Variants in PLBD1 observed in about 807,000 individuals in gnomAD.
PLBD1 encodes lysosomal leucine aminopeptidase.
PLBD1 carries 60 observed loss-of-function variants against 63.0 expected under a neutral mutation model. The observed-to-expected ratio is 0.95, with a 90% CI of 0.77 to 1.18. The LOEUF (loss-of-function observed/expected upper bound fraction) is 1.18. PLBD1 is among the 50% of genes most tolerant of loss of function. PLBD1 has a pLI of 0.00. For missense variants in PLBD1, 598 were observed against 677.9 expected (o/e 0.88, Z 1.31); for synonymous variants, 262 against 248.0 (o/e 1.06, Z -0.53).
chr12:14,527,749 T>A (rs1945427231), intron 6 of PLBD1, among the ~76,000 whole-genome samples: 1 of 151,842 alleles, frequency 6.6e-6, no homozygotes, highest in Admixed American at 6.6e-5. Context: ...GTAGAGATGA[T>A]CTCTGACATT....
intron 2 of PLBD1, among the ~76,000 whole-genome samples, chr12:14,550,636 T>C (rs1408843649): frequency 2.0e-5 from 3 of 152,062 alleles, no homozygotes; most frequent in Non-Finnish European, 4.4e-5. Context: ...CCCCAGCACT[T>C]GGGAGGCCAA....
intron 6 of PLBD1, among the ~76,000 whole-genome samples, chr12:14,531,911 T>C (rs1203113533): frequency 6.6e-6 from 1 of 152,228 alleles, no homozygotes; most frequent in Non-Finnish European, 1.5e-5. Context: ...ATTACAGGCA[T>C]GAGCCTGCTT....
intron 6 of PLBD1, among the ~76,000 whole-genome samples, chr12:14,511,973 T>G (rs1945301708): frequency 1.3e-5 from 2 of 152,206 alleles, no homozygotes; most frequent in Non-Finnish European, 2.9e-5. Context: ...AAAAATATGT[T>G]AAATCCAGAA....
chr12:14,557,727 G>A (rs369524533), intron 1 of PLBD1, among the ~76,000 whole-genome samples: 7 of 152,084 alleles, frequency 4.6e-5, no homozygotes, highest in African/African-American at 1.7e-4. Flanking sequence ...ATAACTAATG[G>A]GTACTAAGCT....
chr12:14,565,097 CTG>C, intron 1 of PLBD1, among the ~76,000 whole-genome samples: 1 of 152,272 alleles, frequency 6.6e-6, no homozygotes, highest in East Asian at 1.9e-4. Flanking sequence ...GCTAGAATGA[CTG>C]TGCAATTATT....
At chr12:14,558,312 A>G (rs1945722373) in intron 1 of PLBD1, among the ~76,000 whole-genome samples, 1 of 152,110 alleles carries the variant, frequency 6.6e-6, no homozygotes, top group Admixed American at 6.5e-5. Context: ...GTGTCAAATA[A>G]TTTGCCAATA....
At chr12:14,530,987 A>C (rs1945454953) in intron 6 of PLBD1, 1 of 152,170 alleles carries the variant, frequency 6.6e-6, no homozygotes, top group South Asian at 2.1e-4. Flanking sequence ...GCCTCAGGCA[A>C]GTGTTTTTTG....
At chr12:14,519,213 C>T (rs1467916758) in intron 6 of PLBD1, among the ~76,000 whole-genome samples, 2 of 152,082 alleles carry the variant, frequency 1.3e-5, no homozygotes, top group Non-Finnish European at 2.9e-5. Context: ...GAAGTCTTAA[C>T]CCCTAGTACC....
chr12:14,503,831 C>A lies in PLBD1; in HGVS notation c.1603G>T (p.Glu535Ter). ...FNKTLHQGMP[E>*]VYNFDFITMK... ...GTAATAAAATCAAAGTTGTAGACCT[C>A]TGGCATGCCCTGATGTAGAGTTTTG... The change falls in exon 11 of 11, where the codon GAG (glutamate) becomes TAG (stop). Residue 535 changes from glutamate to a stop codon, truncating the protein, a stop_gained. Transcript: ENST00000240617. LOFTEE classifies it high-confidence loss of function. 6.2e-7 allele frequency: 1 copy of A among 1,614,002 alleles called. No homozygotes were observed. The highest frequency in any genetic ancestry group is 1.1e-5 in the South Asian group (1 of 91,066).
intron 2 of PLBD1, among the ~76,000 whole-genome samples, chr12:14,544,971 G>C (rs11056019): frequency 0.31 from 46,593 of 151,774 alleles, 8,215 homozygotes; most frequent in East Asian, 0.58. Context: ...TGTGGATTTT[G>C]GAACTTTGGT....
chr12:14,522,336 C>G (rs7954517), intron 6 of PLBD1, among the ~76,000 whole-genome samples: 88,007 of 151,858 alleles, frequency 0.58, 26,116 homozygotes, highest in Admixed American at 0.71. Context: ...TTGAACAGAC[C>G]AATAACAAGT....
At chr12:14,561,508 T>C (rs1945741978) in intron 1 of PLBD1, among the ~76,000 whole-genome samples, 1 of 152,178 alleles carries the variant, frequency 6.6e-6, no homozygotes, top group Admixed American at 6.5e-5. Context: ...ATCCACTCCC[T>C]TGGGCCTAGC....
rs11056021 is a variant in PLBD1, at chr12:14,547,776, C to T, written c.335+5417G>A. 1.5e-3 allele frequency among the ~76,000 whole-genome samples: 229 copies of T among 152,240 alleles called. 3 individuals carry two copies. In the South Asian group the frequency reaches 0.02, roughly 13 times the overall value. On this transcript the variant is annotated intron_variant, in intron 2 of 10. Transcript: ENST00000240617. The stretch of plus-strand genomic sequence containing the variant: ...AGCACCTGTCATGTACTACCTCCTA[C>T]GCTCTCCTGTTTGGATTCCCTGAGT...
chr12:14,539,189 G>A (rs961595444), intron 4 of PLBD1, among the ~76,000 whole-genome samples: 2 of 152,030 alleles, frequency 1.3e-5, no homozygotes, highest in Non-Finnish European at 1.5e-5. Flanking sequence ...GCTTAGAAGA[G>A]TGAGGACAGA....
intron 4 of PLBD1, among the ~76,000 whole-genome samples, chr12:14,537,132 CTAATT>C (rs997285521): frequency 6.6e-6 from 1 of 150,898 alleles, no homozygotes; most frequent in African/African-American, 2.4e-5. Context: ...CGAAGAGTCT[CTAATT>C]TAACAGGTAC....
chr12:14,537,847 TA>T (rs1374916172), intron 4 of PLBD1, among the ~76,000 whole-genome samples: 1 of 149,862 alleles, frequency 6.7e-6, no homozygotes, highest in Non-Finnish European at 1.5e-5. Context: ...AGTCAAGATT[TA>T]AAAAAAATTA....
At chr12:14,519,763 G>C (rs1945362302) in intron 6 of PLBD1, among the ~76,000 whole-genome samples, 1 of 152,160 alleles carries the variant, frequency 6.6e-6, no homozygotes, top group East Asian at 1.9e-4. Flanking sequence ...TGGACTCTCA[G>C]CTTCTAGAAC....
rs1945664682 is a variant in PLBD1 at position 14,552,169 on chromosome 12, C to T, written c.335+1024G>A. ...CCAAGTAAAGTTTGGTTAAACTGCA[C>T]TCAACAATCTAGGTCACAGAGAATA... On this transcript the variant is annotated intron_variant, in intron 2 of 10. Coordinates refer to ENST00000240617, the MANE Select transcript of PLBD1 (RefSeq NM_024829.6). Among the ~76,000 whole-genome samples the T allele has an allele frequency of 2.0e-5, 3 of 152,144 alleles. No individual in the cohort carries two copies. The South Asian group carries it at 6.2e-4, about 31-fold the overall frequency.
At chr12:14,547,964 A>C (rs750318007) in intron 2 of PLBD1, among the ~76,000 whole-genome samples, 4 of 152,092 alleles carry the variant, frequency 2.6e-5, no homozygotes, top group Non-Finnish European at 5.9e-5. Flanking sequence ...CTAACTTCCC[A>C]AGTTTTCATA....
Sources: gnomAD v4.1 joint callset for allele counts (sites outside exome capture counted in the v4.1 genomes callset) on GRCh38, gnomAD v4.1.1 for gene constraint, MANE v1.5 for transcripts, NCBI Gene and HGNC (gene_info 2026-07-23, HGNC 2026-07-21) for gene names.